PDLIM5: variants seen among roughly 807,000 people sequenced by gnomAD.
The protein encoded by PDLIM5 is PDZ and LIM domain 5.
A neutral mutation model predicts 64.2 loss-of-function variants in PDLIM5; 34 were observed. The ratio of observed to expected loss-of-function variants is 0.53; its 90% CI spans 0.40 to 0.71. The LOEUF (loss-of-function observed/expected upper bound fraction) is 0.71, where lower values mean the gene tolerates loss of function less well. PDLIM5 is among the 30% of genes least tolerant of loss of function. PDLIM5 has a pLI of 0.00. For synonymous variants in PDLIM5, 253 were observed against 269.1 expected (o/e 0.94, Z 0.59); for missense variants, 683 against 733.6 (o/e 0.93, Z 0.80).
chr4:94,454,396 TAACAGCAGAACAGA>T (rs1723140214), intron 1 of PDLIM5, among the ~76,000 whole-genome samples: 2 of 151,624 alleles, frequency 1.3e-5, no homozygotes, highest in African/African-American at 4.8e-5. Flanking sequence ...CACGCACACT[TAACAGCAGAACAGA>T]CAAAAGAAAG....
At chr4:94,485,054 G>A (rs1246330103) in intron 2 of PDLIM5, among the ~76,000 whole-genome samples, 2 of 152,084 alleles carry the variant, frequency 1.3e-5, no homozygotes, top group Non-Finnish European at 2.9e-5. Context: ...TCCATCACGT[G>A]TGTTTCTGGT....
chr4:94,513,852 C>T (rs889874612), intron 2 of PDLIM5, among the ~76,000 whole-genome samples: 30 of 152,084 alleles, frequency 2.0e-4, no homozygotes, highest in Admixed American at 3.9e-4. Flanking sequence ...ATGATACTAG[C>T]TGTGGGTCTG....
At position 94,576,035 on chromosome 4, in the gene PDLIM5, G is replaced by A; in HGVS notation, c.710+1G>A. ...AGGGTGACAGTAAACAGCAAAATGGGTAGGTGGCTAAGGTGCTTTCTGCTC... is the reference window on the plus strand; with the variant it reads ...AGGGTGACAGTAAACAGCAAAATGGATAGGTGGCTAAGGTGCTTTCTGCTC... On this transcript the variant is annotated splice_donor_variant, in intron 5 of 12. Coordinates refer to ENST00000317968, the MANE Select transcript of PDLIM5 (RefSeq NM_006457.5). LOFTEE classifies it high-confidence loss of function. 6.2e-7 allele frequency: 1 copy of A among 1,610,644 alleles called. No homozygotes were observed. The highest frequency in any genetic ancestry group is 2.2e-5 in the East Asian group (1 of 44,828).
intron 7 of PDLIM5, among the ~76,000 whole-genome samples, chr4:94,597,874 G>A (rs923477865): frequency 6.6e-6 from 1 of 152,150 alleles, no homozygotes; most frequent in East Asian, 1.9e-4. Context: ...CATGGCTAGT[G>A]AGCACTGAGA....
At chr4:94,527,816 TG>T (rs945622804) in intron 3 of PDLIM5, among the ~76,000 whole-genome samples, 3 of 152,200 alleles carry the variant, frequency 2.0e-5, no homozygotes, top group Non-Finnish European at 4.4e-5. Flanking sequence ...TCAGCTGCCC[TG>T]GAAGTATGTT....
chr4:94,507,221 T>G (rs548813359), intron 2 of PDLIM5, among the ~76,000 whole-genome samples: 1 of 152,176 alleles, frequency 6.6e-6, no homozygotes, highest in South Asian at 2.1e-4. Context: ...AATTCCCATA[T>G]ATATATATGG....
chr4:94,571,142 T>C (rs115514281), intron 3 of PDLIM5, among the ~76,000 whole-genome samples: 2 of 152,328 alleles, frequency 1.3e-5, no homozygotes, highest in Non-Finnish European at 2.9e-5. Context: ...ATCTAATTCT[T>C]GATAAGACTG....
Sources: allele counts gnomAD v4.1 joint callset (sites outside exome capture counted in the v4.1 genomes callset), GRCh38; gene constraint gnomAD v4.1.1; transcripts MANE v1.5; gene names NCBI Gene and HGNC (gene_info 2026-07-23, HGNC 2026-07-21).